PEX1: variants seen among roughly 807,000 people sequenced by gnomAD.
The protein encoded by PEX1 is peroxisomal ATPase PEX1.
Under a neutral mutation model 152.5 loss-of-function variants are expected in PEX1, and 97 were observed. The ratio of observed to expected loss-of-function variants is 0.64; its 90% CI spans 0.54 to 0.75. PEX1 has a LOEUF of 0.75. PEX1 is among the 30% of genes least tolerant of loss of function. The probability of loss-of-function intolerance (pLI) is 0.00; values close to 1 mark genes in which losing one functional copy is unlikely to be tolerated. For missense variants in PEX1, 1,357 were observed against 1,516.3 expected (o/e 0.89, Z 1.74); for synonymous variants, 485 against 531.6 (o/e 0.91, Z 1.21).
At chr7:92,495,409 G>A (rs1200689321) in intron 17 of PEX1, among the ~76,000 whole-genome samples, 1 of 152,074 alleles carries the variant, frequency 6.6e-6, no homozygotes, top group Non-Finnish European at 1.5e-5. Flanking sequence ...TCTGCTACTT[G>A]AATGTTTGGC....
At chr7:92,501,799 A>G in intron 14 of PEX1, 91 bp downstream of exon 14, 1 of 1,371,314 alleles carries the variant, frequency 7.3e-7, no homozygotes, top group Non-Finnish European at 1.0e-6. Context: ...AAATACTACA[A>G]TGGAATATAT....
chr7:92,522,350 A>G (rs1793088451), intron 1 of PEX1, 105 bp from the exon 2 acceptor site: 1 of 1,101,686 alleles, frequency 9.1e-7, no homozygotes, highest in Non-Finnish European at 1.3e-6. Flanking sequence ...AAAGAGTTCT[A>G]TAGATAGTTC....
At chr7:92,525,074 A>G (rs1229567478) in intron 1 of PEX1, among the ~76,000 whole-genome samples, 1 of 152,264 alleles carries the variant, frequency 6.6e-6, no homozygotes, top group East Asian at 1.9e-4. Flanking sequence ...AACCAGCTCC[A>G]TAAAGCCACA....
At chr7:92,503,485 C>T (rs559843892) in intron 12 of PEX1, among the ~76,000 whole-genome samples, 10 of 152,010 alleles carry the variant, frequency 6.6e-5, no homozygotes, top group East Asian at 3.8e-4. Context: ...AATAAATGAA[C>T]GAATGATAAA....
rs1585209552 is a variant in PEX1, at chr7:92,489,225, AG to A, written c.3767+67del. ...TTTTTATTTTAAACACGAACTTTAA[AG>A]GTTTAAGTGTAATACTATGTCACTT... On this transcript the variant is annotated intron_variant, in intron 23 of 23. Transcript: ENST00000248633. 13 of 1,309,886 alleles carry A rather than the reference AG, an allele frequency of 9.9e-6. No individual in the cohort carries two copies. The East Asian group carries it at 3.0e-4, about 30-fold the overall frequency. The allele number at this position is 1,309,886 out of a possible 1,614,324, so 81.1% of individuals were successfully genotyped here. A position where few individuals can be genotyped will look rare whatever the true frequency, so the allele number is the denominator to read the frequency against.
intron 15 of PEX1, 141 bp from the exon 16 acceptor site, chr7:92,499,979 G>A (rs1183496736): frequency 1.5e-6 from 1 of 672,384 alleles, no homozygotes; most frequent in African/African-American, 1.8e-5. Context: ...AAGTACAACA[G>A]TAGAAAATAC....
At chr7:92,513,056 G>C (rs542696757) in intron 6 of PEX1, among the ~76,000 whole-genome samples, 25 of 152,172 alleles carry the variant, frequency 1.6e-4, no homozygotes, top group Non-Finnish European at 3.2e-4. Flanking sequence ...AACAACATGG[G>C]ACAATTTTTT....
chr7:92,511,389 T>C (rs1792459104), intron 7 of PEX1, among the ~76,000 whole-genome samples, 191 bp downstream of exon 7: 1 of 152,212 alleles, frequency 6.6e-6, no homozygotes, highest in Non-Finnish European at 1.5e-5. Context: ...CCTCCCAAAG[T>C]GCTGGGATTA....
At chr7:92,506,645 C>T (rs1792204514) in intron 10 of PEX1, 1 of 497,344 alleles carries the variant, frequency 2.0e-6, no homozygotes, top group East Asian at 3.7e-5. Context: ...AATGATACAC[C>T]ACAACTACGT....
Position 92,492,882 on chromosome 7 carries a change from G to A in PEX1, c.3207+71C>T. The A allele has an allele frequency of 2.5e-6, 3 of 1,196,112 alleles. 1 individual carries two copies. In the South Asian group the frequency reaches 3.7e-5, roughly 15 times the overall value. 74.1% of individuals were successfully genotyped at this position (1,196,112 alleles called of 1,614,324 possible). A position where few individuals can be genotyped will look rare whatever the true frequency, so the allele number is the denominator to read the frequency against. ...TTGTTTAAAAAATAGCATTTTTTAAGGTGGAAATTTTGACATTGTACTTCT... is the reference window on the plus strand; with the variant it reads ...TTGTTTAAAAAATAGCATTTTTTAAAGTGGAAATTTTGACATTGTACTTCT... On this transcript the variant is annotated intron_variant, in intron 20 of 23. Transcript: ENST00000248633.
At chr7:92,495,755 G>C (rs1017391551) in intron 17 of PEX1, among the ~76,000 whole-genome samples, 1 of 151,690 alleles carries the variant, frequency 6.6e-6, no homozygotes, top group Admixed American at 6.6e-5. Context: ...AATAAATCTT[G>C]GCTTTGTGAG....
chr7:92,503,265 TA>T, intron 12 of PEX1, 70 bp from the exon 13 acceptor site: 1 of 1,324,546 alleles, frequency 7.5e-7, no homozygotes, highest in Non-Finnish European at 1.1e-6. Flanking sequence ...ATACATTCAT[TA>T]AAAATAATGA....
chr7:92,522,616 C>A (rs961501980), intron 1 of PEX1, among the ~76,000 whole-genome samples: 4 of 152,122 alleles, frequency 2.6e-5, no homozygotes, highest in Non-Finnish European at 5.9e-5. Context: ...GCTATCTGTG[C>A]AGTATTTTCT....
At chr7:92,501,750 C>T in intron 14 of PEX1, 77 bp from the exon 15 acceptor site, 1 of 1,392,960 alleles carries the variant, frequency 7.2e-7, no homozygotes, top group Non-Finnish European at 1.0e-6. Context: ...ATCATCTTAG[C>T]TGGAAACACT....
At chr7:92,489,222 T>C (rs1585209521) in intron 23 of PEX1, 71 bp downstream of exon 23, 5 of 1,310,602 alleles carry the variant, frequency 3.8e-6, no homozygotes, top group Admixed American at 1.7e-5. Context: ...ACACGAACTT[T>C]AAAGGTTTAA....
At chr7:92,501,171 A>C (rs1791903896) in intron 15 of PEX1, among the ~76,000 whole-genome samples, 1 of 152,190 alleles carries the variant, frequency 6.6e-6, no homozygotes, top group Admixed American at 6.5e-5. Context: ...AGAAAATTAA[A>C]GAGTTGGCCG....
chr7:92,496,085 GTGAATACA>G (rs1464221437), intron 17 of PEX1, among the ~76,000 whole-genome samples: 1 of 151,980 alleles, frequency 6.6e-6, no homozygotes, highest in Non-Finnish European at 1.5e-5. Context: ...AAACTCGGTG[GTGAATACA>G]TGAAGTATTC....
In PEX1 at chr7:92,487,547, A is replaced by C; in HGVS notation, c.3768-6T>G. The C allele has an allele frequency of 2.8e-6, 4 of 1,432,024 alleles. No individual in the cohort carries two copies. Among genetic ancestry groups the C allele is most frequent in the Non-Finnish European group, 3.9e-6 (4 of 1,018,786 alleles). The allele number at this position is 1,432,024 out of a possible 1,614,324, so 88.7% of individuals were successfully genotyped here. On this transcript the variant is annotated splice_polypyrimidine_tract_variant and splice_region_variant and intron_variant, in intron 23 of 23. Transcript: ENST00000248633. ...GATTTTGAAAGCTTTCATATCTGAAAAAAGAAAGAGATAATTTAATATGTA... is the reference window on the plus strand; with the variant it reads ...GATTTTGAAAGCTTTCATATCTGAACAAAGAAAGAGATAATTTAATATGTA...
At chr7:92,528,254 G>C in intron 1 of PEX1, 53 bp downstream of exon 1, 4 of 1,543,430 alleles carry the variant, frequency 2.6e-6, no homozygotes, top group Middle Eastern at 2.2e-4. Flanking sequence ...GAGAGGCTTC[G>C]GCCTCGTCCG....
Sources: gnomAD v4.1 joint callset for allele counts (sites outside exome capture counted in the v4.1 genomes callset) on GRCh38, gnomAD v4.1.1 for gene constraint, MANE v1.5 for transcripts, NCBI Gene and HGNC (gene_info 2026-07-23, HGNC 2026-07-21) for gene names.